Variants in LRRC37B observed in about 807,000 individuals in gnomAD.
LRRC37B encodes leucine-rich repeat-containing protein 37B.
LRRC37B carries 28 observed loss-of-function variants against 98.3 expected under a neutral mutation model. The observed-to-expected ratio is 0.28, with a 90% CI of 0.21 to 0.39. LRRC37B has a LOEUF of 0.39. Ranked by LOEUF, LRRC37B falls within the 10% of genes least tolerant of loss-of-function variation. The probability of loss-of-function intolerance (pLI) is 1.00; values close to 1 mark genes in which losing one functional copy is unlikely to be tolerated. For missense variants in LRRC37B, 938 were observed against 1,182.7 expected (o/e 0.79, Z 3.03); for synonymous variants, 364 against 442.7 (o/e 0.82, Z 2.23).
chr17:32,017,907 C>CATT (rs140732214), upstream of LRRC37B: 1,105 of 167,912 alleles, frequency 6.6e-3, 11 homozygotes, highest in African/African-American at 0.025. Context: ...GGGGTGCTAC[C>CATT]ATTATATTCA....
At chr17:32,022,497 C>T (rs772419196) in exon 1 of LRRC37B, 1 of 1,613,294 alleles carries the variant, frequency 6.2e-7, no homozygotes, top group Non-Finnish European at 8.5e-7. Flanking sequence ...AGACCCGGGG[C>T]TTGCCATAAC....
At chr17:32,039,705 A>G (rs1010944237) in intron 7 of LRRC37B, among the ~76,000 whole-genome samples, 5 of 149,748 alleles carry the variant, frequency 3.3e-5, no homozygotes, top group African/African-American at 1.2e-4. Flanking sequence ...TGGCAAGCTA[A>G]ATAGAAACTC....
At chr17:32,037,465 C>G (rs929359387) in intron 7 of LRRC37B, among the ~76,000 whole-genome samples, 1 of 152,094 alleles carries the variant, frequency 6.6e-6, no homozygotes, top group African/African-American at 2.4e-5. Flanking sequence ...GGGGTTTCAT[C>G]TTGTCGGCCA....
intron 2 of LRRC37B, among the ~76,000 whole-genome samples, chr17:32,027,303 G>T (rs1276321613): frequency 1.3e-5 from 2 of 152,176 alleles, no homozygotes; most frequent in Admixed American, 1.3e-4. Flanking sequence ...GGTGGGAAGA[G>T]TGGAGCAGTG....
At chr17:32,022,434 A>T (rs1167406423) in exon 1 of LRRC37B, 1 of 1,613,092 alleles carries the variant, frequency 6.2e-7, no homozygotes. Flanking sequence ...TACAGAGCCT[A>T]CTACAGAGGT....
At chr17:32,020,984 A>T, upstream of LRRC37B, 12 of 1,499,124 alleles carry the variant, frequency 8.0e-6, no homozygotes, top group South Asian at 1.5e-4. Flanking sequence ...ATTGTGACAT[A>T]AGGTTGCCCT....
Position 32,030,728 on chromosome 17 carries a change from G to A in LRRC37B, c.1976+1G>A. ...AATCACTACCATTTTTGCAGTATATGTAAGTTACAAATATAACTTTATTAC... is the reference window on the plus strand; with the variant it reads ...AATCACTACCATTTTTGCAGTATATATAAGTTACAAATATAACTTTATTAC... On this transcript the variant is annotated splice_donor_variant, in intron 4 of 11. Transcript: ENST00000327564. LOFTEE classifies it high-confidence loss of function. The A allele has an allele frequency of 2.1e-6, 3 of 1,403,612 alleles. 1 individual carries two copies. Among genetic ancestry groups the A allele is most frequent in the Non-Finnish European group, 2.9e-6 (3 of 1,034,736 alleles). 86.9% of individuals were successfully genotyped at this position (1,403,612 alleles called of 1,614,324 possible).
chr17:32,048,057 A>C (rs1911641806), intron 9 of LRRC37B, 156 bp downstream of exon 12: 1 of 1,329,126 alleles, frequency 7.5e-7, no homozygotes. Flanking sequence ...TAGGCTCCTG[A>C]GTATTTTGAA....
upstream of LRRC37B, among the ~76,000 whole-genome samples, chr17:32,007,461 C>T (rs1472043300): frequency 2.0e-5 from 3 of 152,144 alleles, no homozygotes; most frequent in Non-Finnish European, 4.4e-5. The surrounding 1 kb of genome is among the most constrained non-coding windows in gnomAD (Gnocchi z 4.1). Flanking sequence ...TTCGGTTGAG[C>T]CTTCTCCCTC....
chr17:32,029,384 A>C (rs1330325237), intron 3 of LRRC37B, among the ~76,000 whole-genome samples: 1 of 152,210 alleles, frequency 6.6e-6, no homozygotes, highest in Non-Finnish European at 1.5e-5. Context: ...GATGATCAAG[A>C]CCTAGTCCAT....
intron 8 of LRRC37B, among the ~76,000 whole-genome samples, chr17:32,046,201 C>T (rs552210414): frequency 1.6e-4 from 24 of 152,324 alleles, no homozygotes; most frequent in African/African-American, 5.3e-4. Flanking sequence ...GTACTCTCTG[C>T]CTTTTAGGAC....
intron 8 of LRRC37B, among the ~76,000 whole-genome samples, chr17:32,046,661 G>A (rs1292511339): frequency 6.9e-6 from 1 of 145,592 alleles, no homozygotes; most frequent in African/African-American, 2.6e-5. Flanking sequence ...GGGCAGAAAA[G>A]CATTGTTAAT....
At chr17:32,047,210 C>T (rs1911610289) in intron 8 of LRRC37B, 3 of 167,712 alleles carry the variant, frequency 1.8e-5, no homozygotes, top group Non-Finnish European at 4.0e-5. Context: ...GTGGGTGGAG[C>T]ACATGCCAGA....
intron 1 of LRRC37B, among the ~76,000 whole-genome samples, chr17:32,009,998 C>G (rs1343284855): frequency 6.6e-6 from 1 of 152,110 alleles, no homozygotes; most frequent in African/African-American, 2.4e-5. Flanking sequence ...GATATAAGTG[C>G]TTTGTTAGGT....
In LRRC37B at chr17:32,025,030, GT is replaced by G. The variant is rs772444987; in HGVS notation, c.1832+270del. Among the ~76,000 whole-genome samples, 3 of 69,924 alleles carry G rather than the reference GT, an allele frequency of 4.3e-5. 1 individual carries two copies. Among genetic ancestry groups the G allele is most frequent in the African/African-American group, 1.1e-4 (2 of 18,554 alleles). The allele number at this position is 69,924 out of a possible 152,430, so 45.9% of individuals were successfully genotyped here. The stretch of plus-strand genomic sequence containing the variant: ...CATGGTTATATTCTTTTTTTTCCTC[GT>G]TTTTTTTTTTTTTTTTTTTTTCAGA... On this transcript the variant is annotated intron_variant, in intron 2 of 11. Transcript: ENST00000327564.
chr17:32,049,838 C>T (rs1185252739), intron 10 of LRRC37B, among the ~76,000 whole-genome samples, 165 bp from the exon 14 acceptor site: 3 of 151,612 alleles, frequency 2.0e-5, no homozygotes, highest in Admixed American at 6.6e-5. Context: ...ACTGTACTCC[C>T]GCCTGGGTGA....
chr17:32,040,565 G>GA (rs1294414029), intron 7 of LRRC37B: 1 of 760,728 alleles, frequency 1.3e-6, no homozygotes, highest in Non-Finnish European at 2.5e-6. Context: ...GCAAGGCGGT[G>GA]ACGGAAATGC....
intron 1 of LRRC37B, among the ~76,000 whole-genome samples, chr17:32,012,525 C>G (rs1244910734): frequency 1.5e-5 from 2 of 131,276 alleles, no homozygotes; most frequent in Non-Finnish European, 3.3e-5. Context: ...AAGACCAGAC[C>G]GGCCAACATG....
At chr17:32,034,820 A>T in intron 5 of LRRC37B, 90 bp from the exon 9 acceptor site, 1 of 975,428 alleles carries the variant, frequency 1.0e-6, no homozygotes, top group Non-Finnish European at 1.6e-6. Context: ...TTTTTACCTA[A>T]AAGTTCCATA....
Sources: gnomAD v4.1 joint callset for allele counts (sites outside exome capture counted in the v4.1 genomes callset) on GRCh38, gnomAD v4.1.1 for gene constraint, Gnocchi (gnomAD v3.1) non-coding constraint, MANE v1.5 for transcripts, NCBI Gene and HGNC (gene_info 2026-07-23, HGNC 2026-07-21) for gene names.